Variants in COL19A1 observed in about 807,000 individuals in gnomAD.
COL19A1 encodes the protein collagen type XIX alpha 1 chain.
In COL19A1, 159 loss-of-function variants were observed where a neutral mutation model predicts 190.2. The observed-to-expected ratio is 0.84, with a 90% CI of 0.73 to 0.95. The LOEUF (loss-of-function observed/expected upper bound fraction) is 0.95, where lower values mean the gene tolerates loss of function less well. Among genes scored for constraint, COL19A1 ranks in the 40% least tolerant of loss-of-function variants. COL19A1 has a pLI of 0.00. For missense variants in COL19A1, 1,418 were observed against 1,431.9 expected (o/e 0.99, Z 0.16); for synonymous variants, 509 against 458.9 (o/e 1.11, Z -1.39).
intron 11 of COL19A1, among the ~76,000 whole-genome samples, chr6:69,984,863 A>G (rs987773486): frequency 2.6e-5 from 4 of 152,154 alleles, no homozygotes; most frequent in Non-Finnish European, 4.4e-5. Context: ...CTCGGGAGTT[A>G]TCTGAGATTA....
chr6:69,940,206 A>T (rs1360270407), intron 9 of COL19A1, among the ~76,000 whole-genome samples: 1 of 152,134 alleles, frequency 6.6e-6, no homozygotes, highest in African/African-American at 2.4e-5. Flanking sequence ...CCTTTTAAGG[A>T]TGCATTTTCC....
rs1461341976 is a variant in COL19A1 at position 70,130,253 on chromosome 6, T to G, written c.1383+30T>G. ...TCAGATTTTTTTTTTTTAGATGGAGTCTTGCTCTGTTGCCCAGGCTGGAGT... is the reference window on the plus strand; with the variant it reads ...TCAGATTTTTTTTTTTTAGATGGAGGCTTGCTCTGTTGCCCAGGCTGGAGT... On this transcript the variant is annotated intron_variant, in intron 18 of 50. Coordinates refer to ENST00000620364, the MANE Select transcript of COL19A1 (RefSeq NM_001858.6). 3.1e-6 allele frequency: 5 copies of G among 1,590,916 alleles called. No individual in the cohort carries two copies. The South Asian group carries it at 5.6e-5, about 18-fold the overall frequency.
chr6:69,963,798 A>C (rs796818456), intron 11 of COL19A1, among the ~76,000 whole-genome samples: 4 of 152,306 alleles, frequency 2.6e-5, no homozygotes, highest in African/African-American at 7.2e-5. Flanking sequence ...ATGTTAATAG[A>C]GTGTTTTATT....
At chr6:69,974,658 GTTCT>G (rs1418734239) in intron 11 of COL19A1, among the ~76,000 whole-genome samples, 4 of 151,988 alleles carry the variant, frequency 2.6e-5, no homozygotes, top group African/African-American at 9.7e-5. Flanking sequence ...ACAATTCTAA[GTTCT>G]TTATTTTAAG....
Position 70,141,939 on chromosome 6 carries a change from G to C in COL19A1, c.1518+11G>C. ...TCACAGGGAGTAAAGGTAATTTCCT[G>C]GCATTCTTCAATTTCCTCTCCAACC... On this transcript the variant is annotated intron_variant, in intron 21 of 50. Transcript: ENST00000620364. The C allele has an allele frequency of 6.2e-7, 1 of 1,607,214 alleles. No individual in the cohort carries two copies. Among genetic ancestry groups the C allele is most frequent in the Non-Finnish European group, 8.5e-7 (1 of 1,174,174 alleles).
intron 4 of COL19A1, among the ~76,000 whole-genome samples, chr6:69,902,146 T>A (rs1471054091): frequency 1.3e-5 from 2 of 152,156 alleles, no homozygotes; most frequent in Non-Finnish European, 2.9e-5. Flanking sequence ...CTTGGCTCAT[T>A]TCCACTTACA....
intron 15 of COL19A1, among the ~76,000 whole-genome samples, chr6:70,094,857 T>A (rs1783148709): frequency 6.6e-6 from 1 of 152,208 alleles, no homozygotes; most frequent in South Asian, 2.1e-4. Flanking sequence ...AAGCTTTAGA[T>A]CATTCAAATA....
At chr6:70,085,504 G>T (rs1287410159) in intron 15 of COL19A1, among the ~76,000 whole-genome samples, 1 of 152,112 alleles carries the variant, frequency 6.6e-6, no homozygotes, top group Non-Finnish European at 1.5e-5. Flanking sequence ...TACTTCTAAT[G>T]ATATTCTAGA....
chr6:70,068,521 A>G (rs1265919310), intron 15 of COL19A1, 45 bp downstream of exon 15: 1 of 1,278,800 alleles, frequency 7.8e-7, no homozygotes, highest in East Asian at 2.3e-5. Flanking sequence ...AACTTAGGGG[A>G]TACTTATTTG....
At chr6:70,000,165 G>C (rs890848502) in intron 11 of COL19A1, among the ~76,000 whole-genome samples, 1 of 151,978 alleles carries the variant, frequency 6.6e-6, no homozygotes, top group Admixed American at 6.6e-5. Context: ...GATGGTTTCC[G>C]GCTTCATCCA....
At chr6:70,118,471 C>T (rs954106855) in intron 16 of COL19A1, among the ~76,000 whole-genome samples, 8 of 152,126 alleles carry the variant, frequency 5.3e-5, no homozygotes, top group African/African-American at 1.9e-4. Context: ...CTTCGGACCG[C>T]TAGGAGAGTT....
chr6:70,137,258 C>G (rs558522710), intron 18 of COL19A1, among the ~76,000 whole-genome samples: 1 of 152,176 alleles, frequency 6.6e-6, no homozygotes, highest in South Asian at 2.1e-4. Flanking sequence ...GCTGACTCTG[C>G]CCACCTAAAC....
At chr6:69,992,076 T>A (rs576996330) in intron 11 of COL19A1, among the ~76,000 whole-genome samples, 1 of 152,280 alleles carries the variant, frequency 6.6e-6, no homozygotes, top group African/African-American at 2.4e-5. Context: ...TTGATTTTTA[T>A]ATATGGTGAA....
intron 9 of COL19A1, among the ~76,000 whole-genome samples, chr6:69,943,014 C>T (rs567213114): frequency 6.6e-6 from 1 of 152,192 alleles, no homozygotes; most frequent in Non-Finnish European, 1.5e-5. Flanking sequence ...TACATTCCCA[C>T]TAAAAGGGTG....
intron 40 of COL19A1, 133 bp from the exon 41 acceptor site, chr6:70,171,831 T>C: frequency 2.8e-6 from 2 of 711,740 alleles, no homozygotes; most frequent in Non-Finnish European, 5.0e-6. Flanking sequence ...AAATAGGGCA[T>C]ATCATTTCCT....
chr6:69,988,501 C>T (rs1776428742), intron 11 of COL19A1, among the ~76,000 whole-genome samples: 2 of 152,160 alleles, frequency 1.3e-5, no homozygotes, highest in African/African-American at 4.8e-5. Flanking sequence ...TAAATAAATG[C>T]TATACCGGAA....
intron 14 of COL19A1, among the ~76,000 whole-genome samples, chr6:70,062,094 C>G (rs777119566): frequency 9.9e-5 from 15 of 151,742 alleles, no homozygotes; most frequent in Non-Finnish European, 1.8e-4. Flanking sequence ...TCCATATGCC[C>G]CTGTAACATT....
chr6:70,188,240 A>C lies in COL19A1; in HGVS notation c.3022A>C (p.Ile1008Leu). The C allele has an allele frequency of 6.2e-7, 1 of 1,608,438 alleles. No individual in the cohort carries two copies. The highest frequency in any genetic ancestry group is 8.5e-7 in the Non-Finnish European group (1 of 1,178,278). Residue 1008 changes from isoleucine (I) to leucine (L), a missense_variant, in exon 47 of 51, where the codon ATT becomes CTT. By Grantham distance (5) the Ile-to-Leu change is conservative (BLOSUM62 2). Coordinates refer to ENST00000620364, the MANE Select transcript of COL19A1 (RefSeq NM_001858.6). ...TCCAGGCTCTCCAGGCATCCCTGGCATTCCGGTAAGTAGTGCTAAGACGCT... is the reference window on the plus strand; with the variant it reads ...TCCAGGCTCTCCAGGCATCCCTGGCCTTCCGGTAAGTAGTGCTAAGACGCT... Reference protein sequence around the residue: ...GPPGSPGIPGIPADAVSFEEI... With the variant: ...GPPGSPGIPGLPADAVSFEEI...
In COL19A1 at chr6:69,963,098, A is replaced by G. The variant is rs539405424; in HGVS notation, c.1026+228A>G. 2.6e-5 allele frequency among the ~76,000 whole-genome samples: 4 copies of G among 152,318 alleles called. No homozygotes were observed. The East Asian group carries it at 7.7e-4, about 29-fold the overall frequency. ...TTAATAGTTAGATATTTCTAGTTAAATTTGTTTCATTGACATGGAAATGAT... is the reference window on the plus strand; with the variant it reads ...TTAATAGTTAGATATTTCTAGTTAAGTTTGTTTCATTGACATGGAAATGAT... On this transcript the variant is annotated intron_variant, in intron 11 of 50. Transcript: ENST00000620364.
Sources: gnomAD v4.1 joint callset for allele counts (sites outside exome capture counted in the v4.1 genomes callset) on GRCh38, gnomAD v4.1.1 for gene constraint, MANE v1.5 for transcripts, NCBI Gene and HGNC (gene_info 2026-07-23, HGNC 2026-07-21) for gene names.